PELI2: variants seen among roughly 807,000 people sequenced by gnomAD.
PELI2 encodes the protein E3 ubiquitin-protein ligase pellino homolog 2.
Under a neutral mutation model 42.3 loss-of-function variants are expected in PELI2, and 23 were observed. That is an observed-to-expected ratio of 0.54 (90% confidence interval 0.39 to 0.77). The LOEUF is 0.77. Ranked by LOEUF, PELI2 falls within the 30% of genes least tolerant of loss-of-function variation. The pLI, the probability that PELI2 is intolerant of heterozygous loss-of-function variation, is 0.00. For missense variants in PELI2, 463 were observed against 553.2 expected (o/e 0.84, Z 1.64); for synonymous variants, 245 against 212.2 (o/e 1.15, Z -1.34).
intron 1 of PELI2, among the ~76,000 whole-genome samples, chr14:56,172,234 G>T (rs925275877): frequency 6.6e-6 from 1 of 152,180 alleles, no homozygotes; most frequent in Non-Finnish European, 1.5e-5. Context: ...AGCTGGTCTG[G>T]AGTGTCCATG....
At chr14:56,152,203 T>A (rs1029353436) in intron 1 of PELI2, among the ~76,000 whole-genome samples, 2 of 152,186 alleles carry the variant, frequency 1.3e-5, no homozygotes, top group Admixed American at 6.5e-5. Context: ...GGAGTTTCCT[T>A]CAGATGGACA....
At position 56,288,679 on chromosome 14, in the gene PELI2, G is replaced by A. The variant is rs1192346216; in HGVS notation, c.507+45G>A. On this transcript the variant is annotated intron_variant, in intron 4 of 5. Transcript: ENST00000267460. This position sits in a 1 kb window ranked among gnomAD's most constrained non-coding sequence, Gnocchi z 4.6. ...ACACGATTTCTAGAAAAATGCTTGTGATTATGATATGGAACATTTAATTGG... is the reference window on the plus strand; with the variant it reads ...ACACGATTTCTAGAAAAATGCTTGTAATTATGATATGGAACATTTAATTGG... 6.9e-7 allele frequency: 1 copy of A among 1,441,976 alleles called. No individual in the cohort carries two copies. The highest frequency in any genetic ancestry group is 9.6e-7 in the Non-Finnish European group (1 of 1,045,718). The allele number at this position is 1,441,976 out of a possible 1,614,324, so 89.3% of individuals were successfully genotyped here.
chr14:56,225,239 C>CCTCA (rs969378724), intron 2 of PELI2, among the ~76,000 whole-genome samples: 5 of 152,114 alleles, frequency 3.3e-5, no homozygotes, highest in African/African-American at 1.2e-4. Context: ...GAGGCACAGG[C>CCTCA]TGAGGTGGGG....
intron 1 of PELI2, among the ~76,000 whole-genome samples, chr14:56,121,005 C>A (rs1883039449): frequency 6.6e-6 from 1 of 152,098 alleles, no homozygotes; most frequent in South Asian, 2.1e-4. Flanking sequence ...TTAGAGAGAA[C>A]CTTATTCATA....
chr14:56,214,041 C>T (rs1268313302), intron 2 of PELI2, among the ~76,000 whole-genome samples: 3 of 152,048 alleles, frequency 2.0e-5, no homozygotes, highest in Non-Finnish European at 2.9e-5. Flanking sequence ...TTGGTAGGGA[C>T]GGGGTTTCAC....
intron 5 of PELI2, among the ~76,000 whole-genome samples, chr14:56,296,391 C>T (rs918280457): frequency 1.3e-5 from 2 of 152,182 alleles, no homozygotes; most frequent in Admixed American, 6.5e-5. Context: ...GGGCTTTGTA[C>T]ATACGGCATA....
At chr14:56,148,385 A>C (rs1884211785) in intron 1 of PELI2, among the ~76,000 whole-genome samples, 1 of 152,160 alleles carries the variant, frequency 6.6e-6, no homozygotes, top group Admixed American at 6.5e-5. Context: ...CTCTAGGATA[A>C]AGTGCAAATG....
chr14:56,149,888 C>T (rs1053505257), intron 1 of PELI2, among the ~76,000 whole-genome samples: 3 of 152,284 alleles, frequency 2.0e-5, no homozygotes, highest in African/African-American at 2.4e-5. Flanking sequence ...ATAGAACATG[C>T]ATTTTTCCTG....
At chr14:56,291,375 A>T (rs1445359082) in intron 5 of PELI2, among the ~76,000 whole-genome samples, 1 of 152,130 alleles carries the variant, frequency 6.6e-6, no homozygotes, top group Non-Finnish European at 1.5e-5. Context: ...TGTTTCACTG[A>T]CCTCATTTGC....
At chr14:56,162,488 A>G (rs1409822981) in intron 1 of PELI2, among the ~76,000 whole-genome samples, 1 of 152,202 alleles carries the variant, frequency 6.6e-6, no homozygotes, top group African/African-American at 2.4e-5. Context: ...GCGTATATGT[A>G]CATTTTCTCT....
intron 2 of PELI2, among the ~76,000 whole-genome samples, chr14:56,238,607 G>C (rs1483885662): frequency 1.3e-5 from 2 of 152,140 alleles, no homozygotes; most frequent in Non-Finnish European, 2.9e-5. Context: ...TTTGATGGAA[G>C]GGTTCACTAG....
intron 1 of PELI2, among the ~76,000 whole-genome samples, chr14:56,151,750 C>G (rs1884369042): frequency 1.3e-5 from 2 of 152,136 alleles, no homozygotes; most frequent in South Asian, 4.1e-4. Context: ...TAGTTACTAT[C>G]TGGACTAAAG....
At chr14:56,290,128 T>A in intron 4 of PELI2, 140 bp from the exon 5 acceptor site, 1 of 592,548 alleles carries the variant, frequency 1.7e-6, no homozygotes. Flanking sequence ...ATCCTTGTGA[T>A]TATTAGCTTT....
At chr14:56,142,917 A>G (rs992419574) in intron 1 of PELI2, among the ~76,000 whole-genome samples, 1 of 152,162 alleles carries the variant, frequency 6.6e-6, no homozygotes, top group African/African-American at 2.4e-5. Context: ...GTTCCCATAT[A>G]TCCTTCATGC....
intron 1 of PELI2, among the ~76,000 whole-genome samples, chr14:56,160,534 G>C (rs1884723395): frequency 6.6e-6 from 1 of 152,142 alleles, no homozygotes; most frequent in Non-Finnish European, 1.5e-5. Flanking sequence ...CTTTTTAATA[G>C]CCTTGGGAAG....
chr14:56,193,559 C>T (rs1046614378), intron 2 of PELI2, among the ~76,000 whole-genome samples: 3 of 152,176 alleles, frequency 2.0e-5, no homozygotes, highest in African/African-American at 7.2e-5. Flanking sequence ...AATACTTAGT[C>T]ATACATACCA....
In PELI2 at chr14:56,146,097, C is replaced by T. The variant is rs926772343; in HGVS notation, c.77+27360C>T. On this transcript the variant is annotated intron_variant, in intron 1 of 5. Coordinates refer to ENST00000267460, the MANE Select transcript of PELI2 (RefSeq NM_021255.3). ...AAAATATTGTATTGACTCATCCCGGCAGAGGTTTTTAAGTTCAGACTACCT... is the reference window on the plus strand; with the variant it reads ...AAAATATTGTATTGACTCATCCCGGTAGAGGTTTTTAAGTTCAGACTACCT... Among the ~76,000 whole-genome samples the T allele has an allele frequency of 7.9e-5, 12 of 152,186 alleles. No homozygotes were observed. In the South Asian group the frequency reaches 1.9e-3, roughly 24 times the overall value.
chr14:56,169,034 C>T (rs1885071442), intron 1 of PELI2, among the ~76,000 whole-genome samples: 1 of 152,102 alleles, frequency 6.6e-6, no homozygotes, highest in African/African-American at 2.4e-5. Context: ...TGCTGCGGCT[C>T]AGCTGTTATC....
intron 2 of PELI2, among the ~76,000 whole-genome samples, chr14:56,277,013 TA>T (rs1227228806): frequency 6.6e-6 from 1 of 152,216 alleles, no homozygotes; most frequent in African/African-American, 2.4e-5. Flanking sequence ...CATAGTCTTA[TA>T]GTTTGGGTCA....
Sources: gnomAD v4.1 joint callset for allele counts (sites outside exome capture counted in the v4.1 genomes callset) on GRCh38, gnomAD v4.1.1 for gene constraint, Gnocchi (gnomAD v3.1) non-coding constraint, MANE v1.5 for transcripts, NCBI Gene and HGNC (gene_info 2026-07-23, HGNC 2026-07-21) for gene names.